SEC16A: variants seen among roughly 807,000 people sequenced by gnomAD.
SEC16A encodes SEC16 homolog A, endoplasmic reticulum export factor, also known as protein transport protein Sec16A.
SEC16A carries 110 observed loss-of-function variants against 221.9 expected under a neutral mutation model. The ratio of observed to expected loss-of-function variants is 0.50; its 90% confidence interval spans 0.42 to 0.58. The LOEUF is 0.58. Ranked by LOEUF, SEC16A falls within the 20% of genes least tolerant of loss-of-function variation. The pLI, the probability that SEC16A is intolerant of heterozygous loss-of-function variation, is 0.00. For missense variants in SEC16A, 3,165 were observed against 3,097.8 expected, an observed-to-expected ratio of 1.02 and a Z score of -0.52; for synonymous variants, 1,393 against 1,257.7, an observed-to-expected ratio of 1.11 and a Z score of -2.28.
Position 136,477,648 on chromosome 9 carries a change from C to T in SEC16A, c.-33G>A, listed in dbSNP as rs1437897855. On this transcript the variant is annotated 5_prime_UTR_variant, in exon 3 of 32. Transcript: ENST00000684901. ...CCCTTGCACAAGTCGATGCTGCTTA[C>T]AGAAGGAAGCAGGATATAGCTGTTC... 2 of 1,557,840 alleles carry T rather than the reference C, an allele frequency of 1.3e-6. No homozygotes were observed. The highest frequency in any genetic ancestry group is 4.6e-5 in the East Asian group (2 of 43,678).
chr9:136,484,622 T>G (rs1204256863), upstream of SEC16A: 2 of 1,363,798 alleles, frequency 1.5e-6, no homozygotes, highest in South Asian at 2.3e-5. Context: ...GGAGCCACCC[T>G]TGTCCCCAGC....
intron 12 of SEC16A, among the ~76,000 whole-genome samples, chr9:136,462,420 C>T (rs116317134): frequency 2.5e-3 from 384 of 152,352 alleles, no homozygotes; most frequent in African/African-American, 8.7e-3. Flanking sequence ...ACCCCAGTCA[C>T]TGGACGCTAC....
chr9:136,446,065 C>T (rs1474202378), intron 28 of SEC16A, among the ~76,000 whole-genome samples: 6 of 151,582 alleles, frequency 4.0e-5, no homozygotes, highest in Non-Finnish European at 8.8e-5. Flanking sequence ...CAGGATTAGG[C>T]CCAGGCCTGT....
At position 136,447,326 on chromosome 9, in the gene SEC16A, T is replaced by C. The variant is rs1837147633; in HGVS notation, c.6598A>G (p.Ser2200Gly). 3.1e-6 allele frequency: 5 copies of C among 1,597,830 alleles called. No individual in the cohort carries two copies. The South Asian group carries it at 4.5e-5, about 14-fold the overall frequency. ...GCCGGCTCGCTCCGCTGGGTCCCGC[T>C]TGGGTTCAGGACGTCAACGTAGCGA... ...RARYVDVLNP[S>G]GTQRSEPALA... Residue 2200 changes from serine (S) to glycine (G), a missense_variant, in exon 27 of 32, where the codon AGC becomes GGC. Ser to Gly is a moderately conservative substitution (Grantham distance 56). This residue lies in a region of SEC16A where 1,088 missense variants were observed against 1,089.6 expected (regional missense o/e 1.00). Transcript: ENST00000684901. The surrounding 1 kb of genome is among the most constrained non-coding windows in gnomAD (Gnocchi z 5.5).
At position 136,468,419 on chromosome 9, in the gene SEC16A, A is replaced by G. The variant is rs778235214; in HGVS notation, c.3798T>C (p.Tyr1266=). 1.3e-5 allele frequency: 21 copies of G among 1,608,282 alleles called. No individual in the cohort carries two copies. Among genetic ancestry groups the G allele is most frequent in the Non-Finnish European group, 1.6e-5 (19 of 1,175,078 alleles). ...YASYYSSQYD[Y]GDPGHWDRYH... ...GCTTGGAGTTCCTTGACATACCTCC[A>G]TAATCGTACTGGCTGGAGTAATAGC... Residue 1266 remains tyrosine (Y), a synonymous_variant, in exon 5 of 32, where the codon TAT becomes TAC. Transcript: ENST00000684901.
At chr9:136,465,511 A>G (rs905279583) in intron 8 of SEC16A, among the ~76,000 whole-genome samples, 6 of 151,038 alleles carry the variant, frequency 4.0e-5, no homozygotes, top group Non-Finnish European at 8.8e-5. Context: ...CTGTAACTTT[A>G]TATCTTTACG....
chr9:136,476,353 G>C lies in SEC16A; in HGVS notation c.1263C>G (p.Gly421=), dbSNP rs1447983417. 5.0e-6 allele frequency: 8 copies of C among 1,611,082 alleles called. No individual in the cohort carries two copies. Among genetic ancestry groups the C allele is most frequent in the Non-Finnish European group, 4.2e-6 (5 of 1,179,544 alleles). Residue 421 remains glycine, a synonymous_variant, in exon 3 of 32, where the codon GGC becomes GGG. Transcript: ENST00000684901. The part of the protein sequence containing the change: ...RPPAPTHVGA[G]SLCQALLPGP... Reference sequence around the variant, plus strand: ...CTGGGAGAAGGGCCTGGCAGAGGCTGCCTGCCCCCACGTGTGTAGGTGCGG... The same window carrying C: ...CTGGGAGAAGGGCCTGGCAGAGGCTCCCTGCCCCCACGTGTGTAGGTGCGG...
Position 136,462,284 on chromosome 9 carries a change from C to T in SEC16A, c.4893+603G>A, listed in dbSNP as rs183129274. Among the ~76,000 whole-genome samples the T allele has an allele frequency of 6.2e-4, 95 of 152,258 alleles. No homozygotes were observed. The Middle Eastern group carries it at 0.02, about 33-fold the overall frequency. On this transcript the variant is annotated intron_variant, in intron 12 of 31. Transcript: ENST00000684901. ...GCACATCCAAAGCAAACATCATGCACCCTAGACAGCCCCTCCTGTGCACAT... is the reference window on the plus strand; with the variant it reads ...GCACATCCAAAGCAAACATCATGCATCCTAGACAGCCCCTCCTGTGCACAT...
chr9:136,483,791 A>AGGC, upstream of SEC16A: 2 of 985,326 alleles, frequency 2.0e-6, no homozygotes, highest in Non-Finnish European at 2.4e-6. Context: ...GCTGGAGGGC[A>AGGC]GGCGGCGGCG....
At chr9:136,445,840 G>A in intron 28 of SEC16A, 121 bp from the exon 29 acceptor site, 1 of 844,904 alleles carries the variant, frequency 1.2e-6, no homozygotes, top group Non-Finnish European at 1.9e-6. Context: ...CACGTAAAGT[G>A]CTCCTCAGAG....
chr9:136,480,212 C>A (rs943104008), intron 1 of SEC16A, among the ~76,000 whole-genome samples: 6 of 152,198 alleles, frequency 3.9e-5, no homozygotes, highest in African/African-American at 1.4e-4. Flanking sequence ...ACCAGCTGCA[C>A]AGCCACAGCA....
rs983689452 is a variant in SEC16A, at chr9:136,459,676, G to C, written c.5191+81C>G. 7.1e-7 allele frequency: 1 copy of C among 1,399,796 alleles called. No homozygotes were observed. Among genetic ancestry groups the C allele is most frequent in the Non-Finnish European group, 9.9e-7 (1 of 1,013,400 alleles). The allele number at this position is 1,399,796 out of a possible 1,614,324, so 86.7% of individuals were successfully genotyped here. ...CGGACCGAGAAGGCCGGGTTCTGGTGATTTCTGCCAACGCCACAGACAACC... is the reference window on the plus strand; with the variant it reads ...CGGACCGAGAAGGCCGGGTTCTGGTCATTTCTGCCAACGCCACAGACAACC... On this transcript the variant is annotated intron_variant, in intron 15 of 31. Transcript: ENST00000684901. The surrounding 1 kb of genome is among the most constrained non-coding windows in gnomAD (Gnocchi z 6.1).
At chr9:136,448,043 A>G (rs1837246578) in intron 24 of SEC16A, 41 bp downstream of exon 24, 1 of 1,579,698 alleles carries the variant, frequency 6.3e-7, no homozygotes, top group East Asian at 2.2e-5. Context: ...AAAAATCATT[A>G]CAATTCTTCG....
upstream of SEC16A, chr9:136,483,932 A>G (rs1416733816): frequency 6.1e-6 from 2 of 329,322 alleles, no homozygotes; most frequent in Non-Finnish European, 4.3e-6. Context: ...GGCTGCCGCC[A>G]GTCCCTGGCC....
chr9:136,465,991 G>A lies in SEC16A; in HGVS notation c.4274C>T (p.Ala1425Val). Residue 1425 changes from alanine (A) to valine (V), a missense_variant, in exon 8 of 32, where the codon GCC becomes GTC. Coordinates refer to ENST00000684901, the MANE Select transcript of SEC16A (RefSeq NM_014866.2). Reference protein sequence around the residue: ...GPGFPEYGYPADTVWPAMEQV... With the variant: ...GPGFPEYGYPVDTVWPAMEQV... ...CTCCATGGCAGGCCAGACGGTGTCGGCAGGGTAGCCATACTCTGGGAAGCC... is the reference window on the plus strand; with the variant it reads ...CTCCATGGCAGGCCAGACGGTGTCGACAGGGTAGCCATACTCTGGGAAGCC... 1 of 1,613,212 alleles carries A rather than the reference G, an allele frequency of 6.2e-7. No individual in the cohort carries two copies. The highest frequency in any genetic ancestry group is 1.1e-5 in the South Asian group (1 of 91,090).
chr9:136,478,633 C>T (rs1841949609), intron 2 of SEC16A, among the ~76,000 whole-genome samples, 76 bp downstream of exon 2: 1 of 151,914 alleles, frequency 6.6e-6, no homozygotes, highest in South Asian at 2.1e-4. Context: ...CCCAGGAGGT[C>T]GAGACCAGCC....
intron 13 of SEC16A, among the ~76,000 whole-genome samples, chr9:136,460,356 G>A (rs1839313997): frequency 6.6e-6 from 1 of 152,160 alleles, no homozygotes. Context: ...TCAGGAGACT[G>A]AGGCAGGAGA....
intron 3 of SEC16A, 133 bp from the exon 4 acceptor site, chr9:136,472,244 C>G (rs1840976350): frequency 9.9e-7 from 1 of 1,009,238 alleles, no homozygotes; most frequent in African/African-American, 1.6e-5. Context: ...CGTCCAACAA[C>G]CAGCCTGAGC....
At position 136,475,879 on chromosome 9, in the gene SEC16A, A is replaced by T. The variant is rs749697012; in HGVS notation, c.1737T>A (p.Thr579=). Reference sequence around the variant, plus strand: ...CGCTGCCACGGTAATTCTGGCTCACAGTGGTCTCGTCTGTTTCACCTCCTA... The same window carrying T: ...CGCTGCCACGGTAATTCTGGCTCACTGTGGTCTCGTCTGTTTCACCTCCTA... The part of the protein sequence containing the change: ...SPVGGETDET[T]VSQNYRGSVS... The change falls in exon 3 of 32, where the codon ACT becomes ACA. Residue 579 remains threonine, a synonymous_variant. Transcript: ENST00000684901. This position sits in a 1 kb window ranked among gnomAD's most constrained non-coding sequence, Gnocchi z 5.0. 6.2e-7 allele frequency: 1 copy of T among 1,603,494 alleles called. No homozygotes were observed. Among genetic ancestry groups the T allele is most frequent in the South Asian group, 1.1e-5 (1 of 89,612 alleles).
Sources: allele counts gnomAD v4.1 joint callset (sites outside exome capture counted in the v4.1 genomes callset), GRCh38; gene constraint gnomAD v4.1.1; regional missense constraint gnomAD v4.1.1; non-coding constraint Gnocchi (gnomAD v3.1); transcripts MANE v1.5; gene names NCBI Gene and HGNC (gene_info 2026-07-23, HGNC 2026-07-21).